Variants in MAP1B observed in about 807,000 individuals in gnomAD.
MAP1B encodes microtubule-associated protein 1B.
Under a neutral mutation model 176.1 loss-of-function variants are expected in MAP1B, and 12 were observed. The observed-to-expected ratio is 0.07, with a 90% CI of 0.04 to 0.11. The LOEUF is 0.11. MAP1B is among the 10% of genes least tolerant of loss of function. The pLI, the probability that MAP1B is intolerant of heterozygous loss-of-function variation, is 1.00. For missense variants in MAP1B, 2,523 were observed against 2,990.5 expected (o/e 0.84, Z 3.65); for synonymous variants, 1,044 against 1,135.0 (o/e 0.92, Z 1.61).
At chr5:72,165,561 CA>C (rs1746412037) in intron 2 of MAP1B, among the ~76,000 whole-genome samples, 1 of 151,992 alleles carries the variant, frequency 6.6e-6, no homozygotes, top group Non-Finnish European at 1.5e-5. Context: ...TGTTCCTGGC[CA>C]AAAACCAGGA....
chr5:72,128,104 C>T (rs1745660909), intron 2 of MAP1B, among the ~76,000 whole-genome samples: 1 of 152,114 alleles, frequency 6.6e-6, no homozygotes, highest in African/African-American at 2.4e-5. Flanking sequence ...TGAGTGCACA[C>T]CGTGCTACCT....
At position 72,186,148 on chromosome 5, in the gene MAP1B, C is replaced by T. The variant is rs1746892314; in HGVS notation, c.370-466C>T. On this transcript the variant is annotated intron_variant, in intron 3 of 6. Coordinates refer to ENST00000296755, the MANE Select transcript of MAP1B (RefSeq NM_005909.5). The surrounding 1 kb of genome is among the most constrained non-coding windows in gnomAD (Gnocchi z 4.3). ...GTTGGTTTGGGACCCTAGTTTGGAA[C>T]ACCGTGCTTACTGAGGAGGCCACTG... Among the ~76,000 whole-genome samples the T allele has an allele frequency of 6.6e-6, 1 of 152,136 alleles. No individual in the cohort carries two copies. Among genetic ancestry groups the T allele is most frequent in the African/African-American group, 2.4e-5 (1 of 41,424 alleles).
Position 72,186,576 on chromosome 5 carries a change from C to A in MAP1B, c.370-38C>A. ...TCCTGAAGGTGGGATGGCAGCACTG[C>A]CCATGGCTCAGGGCCTACGTTCTGT... On this transcript the variant is annotated intron_variant, in intron 3 of 6. Coordinates refer to ENST00000296755, the MANE Select transcript of MAP1B (RefSeq NM_005909.5). The surrounding 1 kb of genome is among the most constrained non-coding windows in gnomAD (Gnocchi z 4.3). 1 of 1,608,834 alleles carries A rather than the reference C, an allele frequency of 6.2e-7. No individual in the cohort carries two copies. The highest frequency in any genetic ancestry group is 8.5e-7 in the Non-Finnish European group (1 of 1,177,410).
At chr5:72,189,621 G>C (rs991363122) in intron 4 of MAP1B, among the ~76,000 whole-genome samples, 1 of 151,852 alleles carries the variant, frequency 6.6e-6, no homozygotes, top group Non-Finnish European at 1.5e-5. Context: ...CGTGCGGCTA[G>C]GAGTTCTAGG....
rs1220638283 is a variant in MAP1B at position 72,208,850 on chromosome 5, G to C, written c.*3611G>C. The C allele has an allele frequency of 1.3e-5, 2 of 152,092 alleles. No individual in the cohort carries two copies. Among genetic ancestry groups the C allele is most frequent in the Admixed American group, 6.5e-5 (1 of 15,274 alleles). 9.4% of individuals were successfully genotyped at this position (152,092 alleles called of 1,614,324 possible). A position where few individuals can be genotyped will look rare whatever the true frequency, so the allele number is the denominator to read the frequency against. On this transcript the variant is annotated 3_prime_UTR_variant, in exon 7 of 7. Coordinates refer to ENST00000296755, the MANE Select transcript of MAP1B (RefSeq NM_005909.5). ...GCCTCTCTTTAGTCACCTGTCACAG[G>C]AGGTTCCTGCTCAGTAATGATATTG... is the stretch of plus-strand genomic sequence containing the variant.
chr5:72,169,773 C>G (rs1746499826), intron 2 of MAP1B, among the ~76,000 whole-genome samples: 5 of 152,066 alleles, frequency 3.3e-5, no homozygotes, highest in Admixed American at 3.3e-4. Context: ...GGCAATAGCT[C>G]ATATAAATAC....
chr5:72,141,917 C>A (rs550672612), intron 2 of MAP1B, among the ~76,000 whole-genome samples: 2 of 152,328 alleles, frequency 1.3e-5, no homozygotes, highest in African/African-American at 4.8e-5. Flanking sequence ...GGCTGACCTT[C>A]CCTGCATCTT....
At chr5:72,143,171 A>G (rs1219975912) in intron 2 of MAP1B, among the ~76,000 whole-genome samples, 2 of 152,218 alleles carry the variant, frequency 1.3e-5, no homozygotes, top group African/African-American at 4.8e-5. Context: ...GAAGCTGTAT[A>G]ATTTTATCAG....
At chr5:72,145,404 A>G (rs938899551) in intron 2 of MAP1B, among the ~76,000 whole-genome samples, 1 of 151,216 alleles carries the variant, frequency 6.6e-6, no homozygotes, top group Non-Finnish European at 1.5e-5. Flanking sequence ...CCGTGTTTCC[A>G]TTGTCATGCA....
At chr5:72,119,949 A>G (rs901864902) in intron 2 of MAP1B, among the ~76,000 whole-genome samples, 1 of 152,200 alleles carries the variant, frequency 6.6e-6, no homozygotes, top group African/African-American at 2.4e-5. Context: ...ACAAAAGCAA[A>G]GCTAGGCTTA....
At chr5:72,111,358 G>A (rs1463013538) in intron 1 of MAP1B, among the ~76,000 whole-genome samples, 1 of 152,026 alleles carries the variant, frequency 6.6e-6, no homozygotes, top group Non-Finnish European at 1.5e-5. Context: ...GTTAACACTG[G>A]GAATCAGCAA....
In MAP1B at chr5:72,157,724, T is replaced by C. The variant is rs188697839; in HGVS notation, c.287-26019T>C. On this transcript the variant is annotated intron_variant, in intron 2 of 6. Coordinates refer to ENST00000296755, the MANE Select transcript of MAP1B (RefSeq NM_005909.5). ...AGTTTCCCCTAATAGATTCTTGCTG[T>C]AAAAGCAAAGCCCAAAACCTTCCAG... 6.2e-3 allele frequency among the ~76,000 whole-genome samples: 937 copies of C among 152,304 alleles called. 2 individuals are homozygous for C. The highest frequency in any genetic ancestry group is 9.7e-3 in the Non-Finnish European group (660 of 68,024).
In MAP1B at chr5:72,157,403, A is replaced by C. The variant is rs994983908; in HGVS notation, c.287-26340A>C. On this transcript the variant is annotated intron_variant, in intron 2 of 6. Coordinates refer to ENST00000296755, the MANE Select transcript of MAP1B (RefSeq NM_005909.5). Reference sequence around the variant, plus strand: ...AACACAAATCTCCAATTTATTATTTAGTTCGTTGCTTTTATTAACTTATTT... The same window carrying C: ...AACACAAATCTCCAATTTATTATTTCGTTCGTTGCTTTTATTAACTTATTT... 2.6e-5 allele frequency among the ~76,000 whole-genome samples: 4 copies of C among 152,216 alleles called. No individual in the cohort carries two copies. In the East Asian group the frequency reaches 7.7e-4, roughly 29 times the overall value.
At chr5:72,179,701 G>C (rs1267960975) in intron 2 of MAP1B, 1 of 985,358 alleles carries the variant, frequency 1.0e-6, no homozygotes, top group Non-Finnish European at 1.2e-6. Flanking sequence ...GCCGTGACAA[G>C]AGCTGGAAGC....
In MAP1B at chr5:72,144,329, C is replaced by T. The variant is rs114132665; in HGVS notation, c.286+28530C>T. ...GTATAAAGTCTTTGAGCTGTAAGTG[C>T]TTTGACTTAGTGGTATCTATTTTGC... is the stretch of plus-strand genomic sequence containing the variant. On this transcript the variant is annotated intron_variant, in intron 2 of 6. Transcript: ENST00000296755. 8.3e-3 allele frequency among the ~76,000 whole-genome samples: 1,260 copies of T among 152,282 alleles called. 20 individuals are homozygous for T. Among genetic ancestry groups the T allele is most frequent in the African/African-American group, 0.029 (1,196 of 41,556 alleles).
intron 2 of MAP1B, among the ~76,000 whole-genome samples, chr5:72,161,004 C>T (rs569545023): frequency 6.6e-6 from 1 of 152,344 alleles, no homozygotes; most frequent in Admixed American, 6.5e-5. Context: ...ACACCATTTA[C>T]ATCATATGAC....
intron 3 of MAP1B, among the ~76,000 whole-genome samples, chr5:72,185,975 G>A (rs1006217428): frequency 5.8e-4 from 88 of 152,190 alleles, no homozygotes; most frequent in Non-Finnish European, 3.2e-4. Flanking sequence ...GTTCCTTAGC[G>A]CAAACCATGT....
rs769329390 is a variant in MAP1B at position 72,198,934 on chromosome 5, G to A, written c.5579G>A (p.Ser1860Asn). 1 of 1,614,248 alleles carries A rather than the reference G, an allele frequency of 6.2e-7. No individual in the cohort carries two copies. The highest frequency in any genetic ancestry group is 8.5e-7 in the Non-Finnish European group (1 of 1,180,038). The change falls in exon 5 of 7, where the codon AGT becomes AAT. Residue 1860 changes from serine to asparagine, a missense_variant. By Grantham distance (46) the Ser-to-Asn change is conservative. Around this residue, in one of 4 missense-constraint regions of MAP1B, gnomAD observed 1,925 missense variants for 2,126.0 expected, o/e 0.91. Coordinates refer to ENST00000296755, the MANE Select transcript of MAP1B (RefSeq NM_005909.5). ...DLSTPGLEKD[S>N]GGKTPGDFSY... is the part of the protein sequence containing the mutation. ...TCCACACCTGGCCTGGAGAAGGACA[G>A]TGGAGGGAAGACACCTGGTGACTTT...
At chr5:72,202,998 G>A (rs1244448740) in intron 5 of MAP1B, among the ~76,000 whole-genome samples, 1 of 152,178 alleles carries the variant, frequency 6.6e-6, no homozygotes, top group Non-Finnish European at 1.5e-5. Context: ...GTTTATGAAT[G>A]AGATGGAGGT....
Sources: allele counts gnomAD v4.1 joint callset (sites outside exome capture counted in the v4.1 genomes callset), GRCh38; gene constraint gnomAD v4.1.1; regional missense constraint gnomAD v4.1.1; non-coding constraint Gnocchi (gnomAD v3.1); transcripts MANE v1.5; gene names NCBI Gene and HGNC (gene_info 2026-07-23, HGNC 2026-07-21).